RAPGEF6: variants seen among roughly 807,000 people sequenced by gnomAD.
The protein encoded by RAPGEF6 is PDZ domain containing guanine nucleotide exchange factor (GEF) 2.
RAPGEF6 carries 56 observed loss-of-function variants against 171.4 expected under a neutral mutation model. The observed-to-expected ratio is 0.33, with a 90% confidence interval of 0.26 to 0.41. The LOEUF is 0.41. Ranked by LOEUF, RAPGEF6 falls within the 10% of genes least tolerant of loss-of-function variation. RAPGEF6 has a pLI of 1.00. For synonymous variants in RAPGEF6, 692 were observed against 650.1 expected, an observed-to-expected ratio of 1.06 and a Z score of -0.98; for missense variants, 1,674 against 1,921.4, an observed-to-expected ratio of 0.87 and a Z score of 2.41.
chr5:131,513,354 A>G (rs1757866845), intron 7 of RAPGEF6, among the ~76,000 whole-genome samples: 2 of 152,164 alleles, frequency 1.3e-5, no homozygotes, highest in Non-Finnish European at 2.9e-5. Context: ...CTATTTTATC[A>G]ATTTTTAAGT....
At chr5:131,430,274 A>C (rs1751617787) in intron 26 of RAPGEF6, among the ~76,000 whole-genome samples, 1 of 152,152 alleles carries the variant, frequency 6.6e-6, no homozygotes, top group Non-Finnish European at 1.5e-5. Context: ...GTATTTATAT[A>C]GTTTAGGAAA....
intron 23 of RAPGEF6, among the ~76,000 whole-genome samples, chr5:131,442,026 T>C (rs945910270): frequency 1.3e-5 from 2 of 152,226 alleles, no homozygotes; most frequent in African/African-American, 2.4e-5. Flanking sequence ...TCCACAGTTT[T>C]TGTAGGTTGC....
intron 6 of RAPGEF6, among the ~76,000 whole-genome samples, chr5:131,522,117 T>C (rs1188819080): frequency 2.0e-5 from 3 of 152,118 alleles, no homozygotes; most frequent in Non-Finnish European, 2.9e-5. Flanking sequence ...AGAGATTTCT[T>C]AGTAATCAAC....
At chr5:131,467,173 G>A (rs1754412989) in intron 17 of RAPGEF6, among the ~76,000 whole-genome samples, 1 of 152,222 alleles carries the variant, frequency 6.6e-6, no homozygotes, top group African/African-American at 2.4e-5. Flanking sequence ...CCAATATACT[G>A]TAACATCTTC....
chr5:131,445,497 G>C (rs1752628452), intron 22 of RAPGEF6, among the ~76,000 whole-genome samples: 1 of 151,826 alleles, frequency 6.6e-6, no homozygotes, highest in African/African-American at 2.4e-5. Flanking sequence ...CACTCTCTGT[G>C]TGTGTGTGTG....
chr5:131,546,844 T>C (rs543807264), intron 6 of RAPGEF6, among the ~76,000 whole-genome samples: 63 of 152,300 alleles, frequency 4.1e-4, no homozygotes, highest in Non-Finnish European at 7.9e-4. Context: ...TTTATCTGTA[T>C]GTTGAAAAGC....
At position 131,461,885 on chromosome 5, in the gene RAPGEF6, G is replaced by A; in HGVS notation, c.2684C>T (p.Thr895Ile). 1 of 1,614,070 alleles carries A rather than the reference G, an allele frequency of 6.2e-7. No individual in the cohort carries two copies. The change falls in exon 19 of 28, where the codon ACA becomes ATA. Residue 895 changes from threonine (T) to isoleucine (I), a missense_variant. Thr to Ile is a moderately conservative substitution (Grantham distance 89). This residue lies in a region of RAPGEF6 where 1,116 missense variants were observed against 1,321.5 expected (regional missense o/e 0.84). Coordinates refer to ENST00000509018, the MANE Select transcript of RAPGEF6 (RefSeq NM_016340.6). Reference protein sequence around the residue: ...IDDLFKLNSKTGNTHLKRFED... With the variant: ...IDDLFKLNSKIGNTHLKRFED... Reference sequence around the variant, plus strand: ...AAACCTCTTCAAATGAGTATTTCCTGTTTTGGAATTTAACTTAAAAAGGTC... The same window carrying A: ...AAACCTCTTCAAATGAGTATTTCCTATTTTGGAATTTAACTTAAAAAGGTC...
intron 1 of RAPGEF6, among the ~76,000 whole-genome samples, chr5:131,618,631 C>A (rs893856964): frequency 6.6e-6 from 1 of 152,018 alleles, no homozygotes; most frequent in Admixed American, 6.6e-5. Context: ...AAGGGAGACT[C>A]TGTCTCAAAA....
intron 9 of RAPGEF6, among the ~76,000 whole-genome samples, chr5:131,505,748 T>C (rs996641058): frequency 6.6e-6 from 1 of 152,200 alleles, no homozygotes; most frequent in African/African-American, 2.4e-5. Context: ...CTGTCATAAC[T>C]GACCAGATTC....
intron 6 of RAPGEF6, among the ~76,000 whole-genome samples, chr5:131,538,279 T>A (rs1018290713): frequency 1.3e-5 from 2 of 152,148 alleles, no homozygotes; most frequent in African/African-American, 4.8e-5. Context: ...CATTAGGCAA[T>A]TTCATCCTTG....
At chr5:131,512,193 C>T (rs534048075) in intron 7 of RAPGEF6, among the ~76,000 whole-genome samples, 2 of 152,138 alleles carry the variant, frequency 1.3e-5, no homozygotes, top group South Asian at 2.1e-4. Context: ...GCATTTGTGA[C>T]AGAAAGTGTC....
intron 4 of RAPGEF6, among the ~76,000 whole-genome samples, chr5:131,567,148 TG>T: frequency 6.6e-6 from 1 of 152,026 alleles, no homozygotes; most frequent in Non-Finnish European, 1.5e-5. Flanking sequence ...AGGATGTTAA[TG>T]TCCCCTCTTT....
intron 6 of RAPGEF6, among the ~76,000 whole-genome samples, chr5:131,529,293 T>C (rs1031653133): frequency 6.6e-6 from 1 of 151,454 alleles, no homozygotes; most frequent in Admixed American, 6.6e-5. Context: ...CTGGCCAACA[T>C]GGTGAAACTC....
rs564720188 is a variant in RAPGEF6, at chr5:131,508,173, T to G, written c.840A>C (p.Ala280=). The change falls in exon 9 of 28, where the codon GCA becomes GCC. Residue 280 remains alanine (A), a synonymous_variant. Transcript: ENST00000509018. ...QLLEFMHQLP[A]FANMTMSVRR... is the part of the protein sequence containing the mutation. ...TTACAGACATGGTCATGTTTGCAAATGCAGGGAGCTGGTGCATAAACTCCA... is the reference window on the plus strand; with the variant it reads ...TTACAGACATGGTCATGTTTGCAAAGGCAGGGAGCTGGTGCATAAACTCCA... 2.5e-5 allele frequency: 41 copies of G among 1,612,894 alleles called. 1 individual carries two copies. In the South Asian group the frequency reaches 4.4e-4, roughly 17 times the overall value.
chr5:131,466,773 T>G (rs573682528), intron 17 of RAPGEF6, among the ~76,000 whole-genome samples: 9 of 152,194 alleles, frequency 5.9e-5, no homozygotes, highest in Middle Eastern at 3.2e-3. Flanking sequence ...GGGTATGTCT[T>G]TATCAGCAGC....
At chr5:131,607,714 G>A (rs1439128105) in intron 1 of RAPGEF6, among the ~76,000 whole-genome samples, 10 of 152,124 alleles carry the variant, frequency 6.6e-5, no homozygotes, top group South Asian at 2.1e-4. Context: ...TAACACACAT[G>A]CGGCTCCAGA....
chr5:131,574,900 T>TC (rs1226812468), intron 4 of RAPGEF6, among the ~76,000 whole-genome samples: 1 of 152,184 alleles, frequency 6.6e-6, no homozygotes, highest in African/African-American at 2.4e-5. Context: ...AAGCCTGTTA[T>TC]CACTCACCTG....
intron 4 of RAPGEF6, among the ~76,000 whole-genome samples, chr5:131,566,354 AT>A (rs1302290768): frequency 6.6e-6 from 1 of 152,086 alleles, no homozygotes; most frequent in Non-Finnish European, 1.5e-5. Context: ...GTTTTTGCCT[AT>A]TATTTTATTA....
At chr5:131,511,034 A>G (rs1415962727) in intron 7 of RAPGEF6, among the ~76,000 whole-genome samples, 1 of 152,216 alleles carries the variant, frequency 6.6e-6, no homozygotes, top group Non-Finnish European at 1.5e-5. Flanking sequence ...AGGACTGAAC[A>G]AATACTCTTC....
Sources: allele counts gnomAD v4.1 joint callset (sites outside exome capture counted in the v4.1 genomes callset), GRCh38; gene constraint gnomAD v4.1.1; regional missense constraint gnomAD v4.1.1; transcripts MANE v1.5; gene names NCBI Gene and HGNC (gene_info 2026-07-23, HGNC 2026-07-21).